IL1RAPL2: variants seen among roughly 807,000 people sequenced by gnomAD.
The protein encoded by IL1RAPL2 is X-linked interleukin-1 receptor accessory protein-like 2.
Under a neutral mutation model 44.1 loss-of-function variants are expected in IL1RAPL2, and 3 were observed. That is an observed-to-expected ratio of 0.07 (90% CI 0.03 to 0.18). IL1RAPL2 has a LOEUF of 0.18. Ranked by LOEUF, IL1RAPL2 falls within the 10% of genes least tolerant of loss-of-function variation. The pLI, the probability that IL1RAPL2 is intolerant of heterozygous loss-of-function variation, is 1.00. For missense variants in IL1RAPL2, 391 were observed against 496.4 expected (o/e 0.79, Z 2.02); for synonymous variants, 181 against 178.8 (o/e 1.01, Z -0.10).
At chrX:104,680,385 C>T (rs753423706) in intron 2 of IL1RAPL2, among the ~76,000 whole-genome samples, 4 of 110,813 alleles carry the variant, frequency 3.6e-5, no homozygotes, top group East Asian at 2.9e-4. Context: ...ATGCATGTAT[C>T]GATAGCTTTC....
At chrX:105,300,740 AAAG>A (rs2034691050) in intron 5 of IL1RAPL2, among the ~76,000 whole-genome samples, 1 of 111,216 alleles carries the variant, frequency 9.0e-6, no homozygotes, top group Admixed American at 9.6e-5. Context: ...TCACACATTA[AAAG>A]CTGAGTTGGT....
chrX:104,766,015 G>A (rs1932546382), intron 2 of IL1RAPL2, among the ~76,000 whole-genome samples: 1 of 112,018 alleles, frequency 8.9e-6, no homozygotes, highest in Non-Finnish European at 1.9e-5. Context: ...TTTCATCCAG[G>A]CCTTGTTTTT....
At chrX:104,594,538 A>G (rs1928727411) in intron 1 of IL1RAPL2, among the ~76,000 whole-genome samples, 1 of 111,936 alleles carries the variant, frequency 8.9e-6, no homozygotes, top group Non-Finnish European at 1.9e-5. Flanking sequence ...ATAAATATTT[A>G]TTGAACATCT....
chrX:105,247,188 G>C (rs1569412664), intron 4 of IL1RAPL2, among the ~76,000 whole-genome samples: 1 of 111,097 alleles, frequency 9.0e-6, no homozygotes, highest in African/African-American at 3.3e-5. Context: ...CTGCTTATTG[G>C]TGGTTGTTAT....
intron 5 of IL1RAPL2, among the ~76,000 whole-genome samples, chrX:105,363,245 A>T (rs1602377429): frequency 1.0e-5 from 1 of 96,818 alleles, no homozygotes; most frequent in African/African-American, 3.7e-5. Context: ...TGTGTGTATA[A>T]ATGTTATATA....
chrX:105,743,390 CCAAA>C (rs2038515963), intron 8 of IL1RAPL2, among the ~76,000 whole-genome samples: 1 of 111,441 alleles, frequency 9.0e-6, no homozygotes, highest in South Asian at 3.8e-4. Flanking sequence ...CTCATGTTCA[CCAAA>C]CACAGTCCTG....
intron 5 of IL1RAPL2, among the ~76,000 whole-genome samples, chrX:105,279,485 G>A (rs1277558171): frequency 1.8e-5 from 2 of 110,860 alleles, no homozygotes; most frequent in Admixed American, 9.6e-5. Flanking sequence ...TTGTTTGTTT[G>A]TTTTGTTTTG....
chrX:104,695,598 CAGGTGGGCCAGGTAGATAT>C (rs1931167825), intron 2 of IL1RAPL2, among the ~76,000 whole-genome samples: 1 of 63,275 alleles, frequency 1.6e-5, no homozygotes, highest in Non-Finnish European at 3.9e-5. Context: ...GAGTAGTAGC[CAGGTGGGCCAGGTAGATAT>C]AGCAGGTCAG....
chrX:105,512,701 G>T (rs191261562), intron 6 of IL1RAPL2, among the ~76,000 whole-genome samples: 1 of 111,275 alleles, frequency 9.0e-6, no homozygotes, highest in Non-Finnish European at 1.9e-5. Flanking sequence ...AAATAATTAC[G>T]AGAGAAATAA....
chrX:105,733,250 A>C (rs1391742114), intron 7 of IL1RAPL2, among the ~76,000 whole-genome samples: 3 of 111,547 alleles, frequency 2.7e-5, no homozygotes, highest in Non-Finnish European at 5.7e-5. Flanking sequence ...ATTCTTGTTT[A>C]TCTATAGGTG....
intron 2 of IL1RAPL2, among the ~76,000 whole-genome samples, chrX:104,871,508 T>C (rs955184498): frequency 8.9e-6 from 1 of 111,879 alleles, no homozygotes; most frequent in Non-Finnish European, 1.9e-5. Flanking sequence ...TCTGACATTG[T>C]TTTTTTCCTT....
At chrX:104,648,451 A>G (rs1423023822) in intron 1 of IL1RAPL2, among the ~76,000 whole-genome samples, 1 of 112,561 alleles carries the variant, frequency 8.9e-6, no homozygotes, top group Non-Finnish European at 1.9e-5. Context: ...TGCCTTGTAA[A>G]ATGCTGTCCT....
At chrX:105,430,844 C>T (rs936507518) in intron 5 of IL1RAPL2, among the ~76,000 whole-genome samples, 2 of 111,485 alleles carry the variant, frequency 1.8e-5, no homozygotes, top group Admixed American at 1.9e-4. Context: ...ATCATTGCAA[C>T]TATAGCATAT....
chrX:105,563,956 T>A (rs1391922866), intron 6 of IL1RAPL2, among the ~76,000 whole-genome samples: 1 of 111,716 alleles, frequency 9.0e-6, no homozygotes, highest in Admixed American at 9.5e-5. Context: ...ATAACAGAAA[T>A]AATGTAAACT....
intron 5 of IL1RAPL2, among the ~76,000 whole-genome samples, chrX:105,324,468 C>T (rs1209838284): frequency 1.8e-5 from 2 of 111,674 alleles, no homozygotes; most frequent in African/African-American, 6.5e-5. Context: ...AAGAATCTCT[C>T]GTTCCTCTGA....
chrX:105,728,362 TA>T (rs981525519), intron 7 of IL1RAPL2, among the ~76,000 whole-genome samples: 1 of 111,602 alleles, frequency 9.0e-6, no homozygotes, highest in South Asian at 3.7e-4. Flanking sequence ...CAAAATACTT[TA>T]AAAAATGCAT....
rs1221321664 is a variant in IL1RAPL2 at position 105,123,539 on chromosome X, T to C, written c.83-71936T>C. Among the ~76,000 whole-genome samples, 3 of 111,394 alleles carry C rather than the reference T, an allele frequency of 2.7e-5. No individual in the cohort carries two copies. The Admixed American group carries it at 2.9e-4, about 11-fold the overall frequency. On this transcript the variant is annotated intron_variant, in intron 2 of 10. Transcript: ENST00000372582. ...AAAAGAATGAATCAAACACATCTTC[T>C]TTCTGTATGATCAGTGAGGCATGAG...
intron 2 of IL1RAPL2, among the ~76,000 whole-genome samples, chrX:104,796,533 C>T (rs1932850324): frequency 8.9e-6 from 1 of 112,135 alleles, no homozygotes; most frequent in Non-Finnish European, 1.9e-5. Flanking sequence ...AAAGTTCCTG[C>T]ACCCCTAATC....
intron 6 of IL1RAPL2, among the ~76,000 whole-genome samples, chrX:105,711,085 G>A (rs1002796950): frequency 5.5e-5 from 6 of 109,182 alleles, no homozygotes; most frequent in Non-Finnish European, 1.1e-4. Context: ...TCTCAGTGAA[G>A]CTACACCCGG....
Sources: gnomAD v4.1 joint callset for allele counts (sites outside exome capture counted in the v4.1 genomes callset) on GRCh38, gnomAD v4.1.1 for gene constraint, MANE v1.5 for transcripts, NCBI Gene and HGNC (gene_info 2026-07-23, HGNC 2026-07-21) for gene names.